The following GALNT2 variants were observed in gnomAD, a reference collection of about 807,000 sequenced individuals.
GALNT2 encodes the protein polypeptide N-acetylgalactosaminyltransferase 2, also known as UDP-GalNAc:polypeptide N-acetylgalactosaminyltransferase 2.
Under a neutral mutation model 81.4 loss-of-function variants are expected in GALNT2, and 31 were observed. The ratio of observed to expected loss-of-function variants is 0.38; its 90% CI spans 0.29 to 0.51. The LOEUF is 0.51. Ranked by LOEUF, GALNT2 falls within the 20% of genes least tolerant of loss-of-function variation. GALNT2 has a pLI of 0.87. For missense variants in GALNT2, 629 were observed against 765.7 expected, an observed-to-expected ratio of 0.82 and a Z score of 2.11; for synonymous variants, 303 against 287.4, an observed-to-expected ratio of 1.05 and a Z score of -0.55.
chr1:230,156,398 A>G (rs761179591), intron 1 of GALNT2, among the ~76,000 whole-genome samples: 6 of 152,016 alleles, frequency 3.9e-5, no homozygotes, highest in Non-Finnish European at 8.8e-5. Flanking sequence ...CTGGTTTGCA[A>G]TGTCATCCTA....
intron 1 of GALNT2, among the ~76,000 whole-genome samples, chr1:230,072,328 G>A (rs933929415): frequency 1.3e-5 from 2 of 151,138 alleles, no homozygotes; most frequent in Admixed American, 1.3e-4. Context: ...CAAGTCCAGA[G>A]GCAGTGGGCT....
intron 1 of GALNT2, among the ~76,000 whole-genome samples, chr1:230,086,803 G>A (rs2102760657): frequency 6.6e-6 from 1 of 152,226 alleles, no homozygotes; most frequent in South Asian, 2.1e-4. Context: ...GTGCTATTGG[G>A]GACCACTAAG....
At chr1:230,222,031 C>CTTTTTTCTTTTTTTTTTTTTTTT (rs1664562901) in intron 3 of GALNT2, among the ~76,000 whole-genome samples, 1 of 96,120 alleles carries the variant, frequency 1.0e-5, no homozygotes, top group Non-Finnish European at 1.9e-5. Context: ...CTGCTTTTCT[C>CTTTTTTCTTTTTTTTTTTTTTTT]TTTTTTTTTT....
chr1:230,228,645 C>G (rs1266084541), intron 3 of GALNT2, among the ~76,000 whole-genome samples: 1 of 152,070 alleles, frequency 6.6e-6, no homozygotes, highest in East Asian at 2.0e-4. Context: ...TTCTGGTCAT[C>G]TGTGTGTGTA....
intron 2 of GALNT2, among the ~76,000 whole-genome samples, chr1:230,184,538 T>C (rs1022435626): frequency 2.6e-4 from 40 of 152,206 alleles, no homozygotes; most frequent in African/African-American, 9.4e-4. Flanking sequence ...ATTTTTTTTT[T>C]CTCTGAGCCC....
At chr1:230,195,695 T>TAGCC (rs1052547560) in intron 2 of GALNT2, among the ~76,000 whole-genome samples, 10 of 152,124 alleles carry the variant, frequency 6.6e-5, no homozygotes, top group Non-Finnish European at 1.3e-4. Context: ...AATGAAGTAT[T>TAGCC]AGCCAGGTTA....
intron 1 of GALNT2, among the ~76,000 whole-genome samples, chr1:230,173,481 G>A (rs1040007863): frequency 6.6e-6 from 1 of 152,160 alleles, no homozygotes. Context: ...CTCCTTTGAG[G>A]GTGGTGGAAA....
chr1:230,235,213 CAAAA>C lies in GALNT2; in HGVS notation c.375-780_375-777del, dbSNP rs10532058. Among the ~76,000 whole-genome samples the C allele has an allele frequency of 3.2e-3, 246 of 76,736 alleles. 1 individual carries two copies. Among genetic ancestry groups the C allele is most frequent in the African/African-American group, 9.1e-3 (186 of 20,518 alleles). 50.3% of individuals were successfully genotyped at this position (76,736 alleles called of 152,430 possible). On this transcript the variant is annotated intron_variant, in intron 3 of 15. Coordinates refer to ENST00000366672, the MANE Select transcript of GALNT2 (RefSeq NM_004481.5). ...TGGGTGACAGAGTTGGACCCTGTCT[CAAAA>C]AAAAAAAAAAAAAAAAAAAAGCTAC...
Position 230,203,329 on chromosome 1 carries a change from C to G in GALNT2, c.374+39C>G, listed in dbSNP as rs542559907. 9.2e-5 allele frequency: 147 copies of G among 1,605,706 alleles called. No homozygotes were observed. In the Admixed American group the frequency reaches 2.2e-3, roughly 24 times the overall value. The stretch of plus-strand genomic sequence containing the variant: ...TAAGCACCTGCTGCAGCTTCATTTG[C>G]TTTCACACAAACCAGTACGTCGCTT... On this transcript the variant is annotated intron_variant, in intron 3 of 15. Transcript: ENST00000366672.
chr1:230,082,241 G>GC (rs1445130106), intron 1 of GALNT2, among the ~76,000 whole-genome samples: 1 of 152,262 alleles, frequency 6.6e-6, no homozygotes, highest in East Asian at 1.9e-4. Flanking sequence ...AGGTGAAGCT[G>GC]TGGTGCTGAA....
chr1:230,276,044 CATGCCACATATATATACGTATATAT>C (rs1553276519), intron 15 of GALNT2, among the ~76,000 whole-genome samples: 3 of 138,136 alleles, frequency 2.2e-5, no homozygotes, highest in African/African-American at 8.7e-5. Flanking sequence ...TACGTATATA[CATGCCACATATATATACGTATATAT>C]ACATGCCACA....
At chr1:230,066,889 G>A (rs1659197305), upstream of GALNT2, among the ~76,000 whole-genome samples, 1 of 151,232 alleles carries the variant, frequency 6.6e-6, no homozygotes, top group Non-Finnish European at 1.5e-5. Flanking sequence ...GGGGGAGCAC[G>A]CTGAGGGGCG....
At chr1:230,203,093 G>A (rs368048663) in intron 2 of GALNT2, 44 bp from the exon 3 acceptor site, 3 of 1,581,268 alleles carry the variant, frequency 1.9e-6, no homozygotes, top group Non-Finnish European at 2.6e-6. Flanking sequence ...TGAGCACTTG[G>A]TCACATTTTC....
chr1:230,172,351 C>A (rs1225902842), intron 1 of GALNT2, among the ~76,000 whole-genome samples: 1 of 152,202 alleles, frequency 6.6e-6, no homozygotes, highest in African/African-American at 2.4e-5. Flanking sequence ...AAGCAGACCC[C>A]AGCCCTAGGC....
intron 1 of GALNT2, among the ~76,000 whole-genome samples, chr1:230,078,365 A>G (rs1659626558): frequency 6.6e-6 from 1 of 152,116 alleles, no homozygotes; most frequent in African/African-American, 2.4e-5. Flanking sequence ...ATTTTTGTGT[A>G]CTTTTGAAAA....
rs1666159244 is a variant in GALNT2, at chr1:230,271,453, C to A, written c.1441-2992C>A. Reference sequence around the variant, plus strand: ...TGCGGACACTGAGTGTCATGCCTGTCAACTCAGTTCTGACACTGCCTACCC... The same window carrying A: ...TGCGGACACTGAGTGTCATGCCTGTAAACTCAGTTCTGACACTGCCTACCC... On this transcript the variant is annotated intron_variant, in intron 14 of 15. Coordinates refer to ENST00000366672, the MANE Select transcript of GALNT2 (RefSeq NM_004481.5). The surrounding 1 kb of genome is among the most constrained non-coding windows in gnomAD (Gnocchi z 4.2). Among the ~76,000 whole-genome samples, 1 of 152,226 alleles carries A rather than the reference C, an allele frequency of 6.6e-6. No individual in the cohort carries two copies. The highest frequency in any genetic ancestry group is 2.4e-5 in the African/African-American group (1 of 41,446).
chr1:230,219,660 C>T (rs927620999), intron 3 of GALNT2, among the ~76,000 whole-genome samples: 6 of 152,124 alleles, frequency 3.9e-5, no homozygotes, highest in Middle Eastern at 3.2e-3. Context: ...GTCCTGCCTC[C>T]GCCACCCACT....
At chr1:230,063,074 A>G (rs1457023355), upstream of GALNT2, among the ~76,000 whole-genome samples, 2 of 152,032 alleles carry the variant, frequency 1.3e-5, no homozygotes, top group Non-Finnish European at 2.9e-5. Flanking sequence ...GCACTTTGGG[A>G]GGCTGAGGCA....
At chr1:230,223,901 C>A (rs1231054239) in intron 3 of GALNT2, among the ~76,000 whole-genome samples, 3 of 152,192 alleles carry the variant, frequency 2.0e-5, no homozygotes, top group Admixed American at 6.5e-5. Flanking sequence ...ATCAGAACTG[C>A]TCAGGGGTCC....
Sources: gnomAD v4.1 joint callset for allele counts (sites outside exome capture counted in the v4.1 genomes callset) on GRCh38, gnomAD v4.1.1 for gene constraint, Gnocchi (gnomAD v3.1) non-coding constraint, MANE v1.5 for transcripts, NCBI Gene and HGNC (gene_info 2026-07-23, HGNC 2026-07-21) for gene names.